Variants in RAP1A observed in about 807,000 individuals in gnomAD.
The protein encoded by RAP1A is ras-related protein Rap-1A.
Under a neutral mutation model 26.4 loss-of-function variants are expected in RAP1A, and 6 were observed. That is an observed-to-expected ratio of 0.23 (90% confidence interval 0.12 to 0.45). The LOEUF (loss-of-function observed/expected upper bound fraction) is 0.45. Among genes scored for constraint, RAP1A ranks in the 20% least tolerant of loss-of-function variants. The pLI is 0.99. For missense variants in RAP1A, 121 were observed against 217.2 expected (o/e 0.56, Z 2.78); for synonymous variants, 73 against 79.4 (o/e 0.92, Z 0.43).
chr1:111,581,362 G>T (rs1658254821), intron 1 of RAP1A, among the ~76,000 whole-genome samples: 1 of 152,188 alleles, frequency 6.6e-6, no homozygotes, highest in African/African-American at 2.4e-5. Context: ...GGGACATTCA[G>T]TATCTGGAAA....
chr1:111,610,734 C>T (rs1371894163), intron 1 of RAP1A, among the ~76,000 whole-genome samples: 5 of 152,318 alleles, frequency 3.3e-5, no homozygotes, highest in African/African-American at 1.2e-4. Context: ...GCATAAGCCC[C>T]AGGCTTTAAT....
At chr1:111,613,886 A>T (rs553059697) in intron 1 of RAP1A, among the ~76,000 whole-genome samples, 3 of 152,352 alleles carry the variant, frequency 2.0e-5, no homozygotes, top group Middle Eastern at 3.4e-3. Context: ...TAGTTAATTC[A>T]AGTATACAAA....
At chr1:111,620,150 C>T (rs571046233) in intron 1 of RAP1A, among the ~76,000 whole-genome samples, 214 of 152,316 alleles carry the variant, frequency 1.4e-3, no homozygotes, top group Non-Finnish European at 2.4e-3. Flanking sequence ...CCAGAGCCAA[C>T]CACGCCCGCG....
Position 111,691,313 on chromosome 1 carries a change from AT to A in RAP1A, c.-27-14del. 2.6e-6 allele frequency: 4 copies of A among 1,531,244 alleles called. No homozygotes were observed. Among genetic ancestry groups the A allele is most frequent in the South Asian group, 1.1e-5 (1 of 88,556 alleles). 94.9% of individuals were successfully genotyped at this position (1,531,244 alleles called of 1,614,324 possible). A position where few individuals can be genotyped will look rare whatever the true frequency, so the allele number is the denominator to read the frequency against. On this transcript the variant is annotated intron_variant, in intron 1 of 7. Transcript: ENST00000369709. Reference sequence around the variant, plus strand: ...CTGTTAGCATGTTTCTTAATCTTTGATTTTTTTGTTTGTTTTTCAGATCGTC... The same window carrying A: ...CTGTTAGCATGTTTCTTAATCTTTGATTTTTTGTTTGTTTTTCAGATCGTC...
At chr1:111,640,096 T>C (rs1659848246) in intron 1 of RAP1A, among the ~76,000 whole-genome samples, 1 of 152,238 alleles carries the variant, frequency 6.6e-6, no homozygotes. Flanking sequence ...ATTAACTCAT[T>C]ATCACTTAGA....
intron 1 of RAP1A, among the ~76,000 whole-genome samples, chr1:111,651,473 A>AAT (rs1660266671): frequency 1.6e-5 from 2 of 123,820 alleles, no homozygotes; most frequent in African/African-American, 6.0e-5. Flanking sequence ...TATATATATA[A>AAT]TTTTTTTTTT....
At position 111,661,137 on chromosome 1, in the gene RAP1A, G is replaced by A. The variant is rs115382553; in HGVS notation, c.-27-30197G>A. ...GGAGCACTGTTGTGAAATAAAGCCA[G>A]AATGGGAGTTAGGGACCCAACTGTG... On this transcript the variant is annotated intron_variant, in intron 1 of 7. Coordinates refer to ENST00000369709, the MANE Select transcript of RAP1A (RefSeq NM_002884.4). Among the ~76,000 whole-genome samples the A allele has an allele frequency of 3.2e-3, 491 of 152,350 alleles. 3 individuals are homozygous for A. Among genetic ancestry groups the A allele is most frequent in the African/African-American group, 0.011 (437 of 41,580 alleles).
chr1:111,577,574 T>C (rs1658172378), intron 1 of RAP1A, among the ~76,000 whole-genome samples: 1 of 152,106 alleles, frequency 6.6e-6, no homozygotes, highest in South Asian at 2.1e-4. Flanking sequence ...TTTTTAGGGC[T>C]TCATTCAGAC....
intron 1 of RAP1A, among the ~76,000 whole-genome samples, chr1:111,638,143 C>A (rs959750135): frequency 2.0e-5 from 3 of 151,838 alleles, no homozygotes; most frequent in African/African-American, 7.3e-5. Flanking sequence ...ATATATTGTT[C>A]CTTAACTACA....
At chr1:111,691,138 G>T (rs532642044) in intron 1 of RAP1A, among the ~76,000 whole-genome samples, 196 bp from the exon 2 acceptor site, 1 of 152,238 alleles carries the variant, frequency 6.6e-6, no homozygotes, top group African/African-American at 2.4e-5. Flanking sequence ...ATGATCTTCG[G>T]TGAATTAAAA....
At chr1:111,558,273 G>GC (rs1657585094) in intron 1 of RAP1A, among the ~76,000 whole-genome samples, 1 of 152,114 alleles carries the variant, frequency 6.6e-6, no homozygotes, top group Non-Finnish European at 1.5e-5. Context: ...CATGTCCCAG[G>GC]CTCAAGTGGT....
upstream of RAP1A, among the ~76,000 whole-genome samples, chr1:111,614,869 T>G (rs1420993657): frequency 2.0e-5 from 3 of 152,130 alleles, no homozygotes; most frequent in Non-Finnish European, 4.4e-5. Flanking sequence ...GAATAATATT[T>G]AGTAATGAGA....
chr1:111,629,443 T>G (rs1421249550), intron 1 of RAP1A, among the ~76,000 whole-genome samples: 1 of 152,146 alleles, frequency 6.6e-6, no homozygotes, highest in African/African-American at 2.4e-5. Context: ...TCACATGAAC[T>G]GTGAATTGTC....
chr1:111,587,884 C>A (rs1440775590), intron 1 of RAP1A, among the ~76,000 whole-genome samples: 1 of 152,162 alleles, frequency 6.6e-6, no homozygotes, highest in African/African-American at 2.4e-5. Flanking sequence ...TATTGTGATA[C>A]TGTTCTCTCT....
intron 1 of RAP1A, among the ~76,000 whole-genome samples, chr1:111,666,918 G>A (rs934617076): frequency 6.6e-6 from 1 of 152,184 alleles, no homozygotes; most frequent in Non-Finnish European, 1.5e-5. Flanking sequence ...CAGTGTGGCT[G>A]TCATAGAGAG....
rs1571583579 is a variant in RAP1A, at chr1:111,716,287, T to G, written c.*3886T>G. 6.6e-6 allele frequency: 1 copy of G among 152,192 alleles called. No individual in the cohort carries two copies. The highest frequency in any genetic ancestry group is 1.9e-4 in the East Asian group (1 of 5,200). The allele number at this position is 152,192 out of a possible 1,614,324, so 9.4% of individuals were successfully genotyped here. A position where few individuals can be genotyped will look rare whatever the true frequency, so the allele number is the denominator to read the frequency against. ...CGGTCTAACTACCCAGCTTTTAGTATTTATGTTCCCCAAAATGTAAAAACT... is the reference window on the plus strand; with the variant it reads ...CGGTCTAACTACCCAGCTTTTAGTAGTTATGTTCCCCAAAATGTAAAAACT... On this transcript the variant is annotated 3_prime_UTR_variant, in exon 8 of 8. Coordinates refer to ENST00000369709, the MANE Select transcript of RAP1A (RefSeq NM_002884.4).
chr1:111,625,981 A>G (rs1383046141), intron 1 of RAP1A, among the ~76,000 whole-genome samples: 1 of 152,132 alleles, frequency 6.6e-6, no homozygotes, highest in African/African-American at 2.4e-5. Context: ...GTCATTGAAC[A>G]GATGTTTAAG....
chr1:111,619,493 C>T (rs1571501074), upstream of RAP1A, among the ~76,000 whole-genome samples: 2 of 152,304 alleles, frequency 1.3e-5, no homozygotes, highest in East Asian at 3.9e-4. Flanking sequence ...TCAATTAGGG[C>T]TTGTCGAATG....
At chr1:111,699,720 G>A (rs1171412646) in intron 4 of RAP1A, among the ~76,000 whole-genome samples, 2 of 151,026 alleles carry the variant, frequency 1.3e-5, no homozygotes, top group Non-Finnish European at 3.0e-5. Flanking sequence ...TCCTGTCTTT[G>A]GCCTCCCAAA....
Sources: allele counts gnomAD v4.1 joint callset (sites outside exome capture counted in the v4.1 genomes callset), GRCh38; gene constraint gnomAD v4.1.1; transcripts MANE v1.5; gene names NCBI Gene and HGNC (gene_info 2026-07-23, HGNC 2026-07-21).